The following KCNN2 variants were observed in gnomAD, a reference collection of about 807,000 sequenced individuals.
KCNN2 encodes the protein potassium calcium-activated channel subfamily N member 2.
In KCNN2, 24 loss-of-function variants were observed where a neutral mutation model predicts 55.5. That is an observed-to-expected ratio of 0.43 (90% CI 0.31 to 0.61). The LOEUF is 0.61. Ranked by LOEUF, KCNN2 falls within the 20% of genes least tolerant of loss-of-function variation. KCNN2 has a pLI of 0.08. For missense variants in KCNN2, 754 were observed against 853.6 expected (o/e 0.88, Z 1.45); for synonymous variants, 431 against 336.1 (o/e 1.28, Z -3.09).
chr5:114,131,070 A>T (rs1394668032), intron 1 of KCNN2, among the ~76,000 whole-genome samples: 1 of 152,130 alleles, frequency 6.6e-6, no homozygotes, highest in Non-Finnish European at 1.5e-5. Context: ...TTTTTTTCTA[A>T]GCCATTGAAA....
At chr5:114,082,706 G>T (rs766760639) in intron 1 of KCNN2, among the ~76,000 whole-genome samples, 2 of 152,128 alleles carry the variant, frequency 1.3e-5, no homozygotes, top group Non-Finnish European at 2.9e-5. Flanking sequence ...TAAACAAAAT[G>T]TGTTATGTGC....
At chr5:114,345,948 T>G (rs1350002380) in intron 2 of KCNN2, among the ~76,000 whole-genome samples, 1 of 152,070 alleles carries the variant, frequency 6.6e-6, no homozygotes, top group African/African-American at 2.4e-5. Context: ...GCCTGGCTAA[T>G]TTTTGTATTT....
chr5:114,345,294 A>T (rs1339513577), intron 2 of KCNN2, among the ~76,000 whole-genome samples: 1 of 152,268 alleles, frequency 6.6e-6, no homozygotes, highest in East Asian at 1.9e-4. Flanking sequence ...TACAAGCAGG[A>T]CAAAGCAGAA....
intron 1 of KCNN2, among the ~76,000 whole-genome samples, chr5:114,207,979 A>G (rs1443343382): frequency 6.6e-6 from 1 of 152,194 alleles, no homozygotes; most frequent in Non-Finnish European, 1.5e-5. Context: ...TGCACTTCAG[A>G]ACTAAATGCC....
chr5:114,224,576 A>C (rs969350508), intron 2 of KCNN2, among the ~76,000 whole-genome samples: 3 of 152,256 alleles, frequency 2.0e-5, no homozygotes, highest in African/African-American at 7.2e-5. Context: ...TAGAAAAGGC[A>C]GAGCACAAAA....
chr5:114,356,643 C>A (rs57865011), intron 2 of KCNN2, among the ~76,000 whole-genome samples: 2,697 of 152,088 alleles, frequency 0.018, 77 homozygotes, highest in African/African-American at 0.061. Context: ...GGCCCTAACA[C>A]AATAATTAGC....
chr5:114,268,855 AAG>A (rs1168939302), intron 2 of KCNN2, among the ~76,000 whole-genome samples: 1 of 151,992 alleles, frequency 6.6e-6, no homozygotes, highest in African/African-American at 2.4e-5. Context: ...GTACCACAAA[AAG>A]AGCTATTTTG....
chr5:114,313,131 C>T (rs948133460), intron 2 of KCNN2, among the ~76,000 whole-genome samples: 4 of 152,116 alleles, frequency 2.6e-5, no homozygotes, highest in African/African-American at 9.7e-5. Context: ...TTAGCTTCAT[C>T]ATTCAGACAT....
At chr5:114,357,962 T>C (rs1757329649), upstream of KCNN2, among the ~76,000 whole-genome samples, 1 of 150,558 alleles carries the variant, frequency 6.6e-6, no homozygotes, top group African/African-American at 2.4e-5. Flanking sequence ...CCAGCACCTG[T>C]TGTTTCCTGA....
intron 2 of KCNN2, among the ~76,000 whole-genome samples, chr5:114,288,513 C>T (rs1316967602): frequency 5.9e-5 from 9 of 151,536 alleles, no homozygotes; most frequent in African/African-American, 2.2e-4. Context: ...CACACACACA[C>T]ACACACACAC....
Position 114,422,476 on chromosome 5 carries a change from G to A in KCNN2, c.1637+17620G>A, listed in dbSNP as rs921981. Reference sequence around the variant, plus strand: ...AATTGATCTTGGACTTCTCAGCCTTGAGAACTGTGAGAAATAAATGTCTGT... The same window carrying A: ...AATTGATCTTGGACTTCTCAGCCTTAAGAACTGTGAGAAATAAATGTCTGT... On this transcript the variant is annotated intron_variant, in intron 3 of 7. Transcript: ENST00000673685. Among the ~76,000 whole-genome samples, 895 of 152,008 alleles carry A rather than the reference G, an allele frequency of 5.9e-3. 11 individuals carry two copies. Among genetic ancestry groups the A allele is most frequent in the African/African-American group, 0.02 (809 of 41,468 alleles).
chr5:114,067,318 C>T (rs1750471819), intron 1 of KCNN2, among the ~76,000 whole-genome samples: 1 of 152,194 alleles, frequency 6.6e-6, no homozygotes, highest in Non-Finnish European at 1.5e-5. Flanking sequence ...ACCTGGCAAC[C>T]TGATAAAATG....
intron 1 of KCNN2, among the ~76,000 whole-genome samples, chr5:114,159,518 A>C (rs1173750006): frequency 6.6e-6 from 1 of 152,194 alleles, no homozygotes; most frequent in Non-Finnish European, 1.5e-5. Flanking sequence ...CTGGCCTCAT[A>C]AAATGAGTTA....
At chr5:114,074,329 T>TGTGTGTGTGTGTGCGC (rs1200712655) in intron 1 of KCNN2, among the ~76,000 whole-genome samples, 1 of 138,668 alleles carries the variant, frequency 7.2e-6, no homozygotes, top group African/African-American at 2.9e-5. Flanking sequence ...TGTGTGTGTG[T>TGTGTGTGTGTGTGCGC]GCGCGCGCGC....
chr5:114,464,306 C>T (rs1761341524), intron 4 of KCNN2, among the ~76,000 whole-genome samples: 1 of 152,200 alleles, frequency 6.6e-6, no homozygotes, highest in South Asian at 2.1e-4. Flanking sequence ...TCTTTATCTA[C>T]TTTTTAAAGT....
chr5:114,324,901 G>A (rs1222604840), intron 2 of KCNN2, among the ~76,000 whole-genome samples: 1 of 152,168 alleles, frequency 6.6e-6, no homozygotes, highest in East Asian at 1.9e-4. Context: ...GTGAAGTACA[G>A]GGTAAAGAAA....
At chr5:114,092,903 T>C (rs1193496162) in intron 1 of KCNN2, among the ~76,000 whole-genome samples, 4 of 152,172 alleles carry the variant, frequency 2.6e-5, no homozygotes, top group Non-Finnish European at 5.9e-5. Context: ...CCTCCAGGCT[T>C]GTGATTGGAA....
At chr5:114,281,169 T>G (rs1263382836) in intron 2 of KCNN2, among the ~76,000 whole-genome samples, 1 of 152,154 alleles carries the variant, frequency 6.6e-6, no homozygotes, top group Non-Finnish European at 1.5e-5. Flanking sequence ...TGCTTAACAT[T>G]ATATTGTATA....
At chr5:114,330,964 T>C (rs1756810147) in intron 2 of KCNN2, among the ~76,000 whole-genome samples, 1 of 152,218 alleles carries the variant, frequency 6.6e-6, no homozygotes, top group Non-Finnish European at 1.5e-5. Context: ...CAACTATACA[T>C]GCATCTTTAT....
Sources: gnomAD v4.1 joint callset for allele counts (sites outside exome capture counted in the v4.1 genomes callset) on GRCh38, gnomAD v4.1.1 for gene constraint, MANE v1.5 for transcripts, NCBI Gene and HGNC (gene_info 2026-07-23, HGNC 2026-07-21) for gene names.